The following BMPR2 variants were observed in gnomAD, a reference collection of about 807,000 sequenced individuals.
The protein encoded by BMPR2 is bone morphogenetic protein receptor type 2.
In BMPR2, 29 loss-of-function variants were observed where a neutral mutation model predicts 100.8. That is an observed-to-expected ratio of 0.29 (90% CI 0.21 to 0.39). BMPR2 has a LOEUF of 0.39. BMPR2 is among the 10% of genes least tolerant of loss of function. The pLI, the probability that BMPR2 is intolerant of heterozygous loss-of-function variation, is 1.00. For synonymous variants in BMPR2, 382 were observed against 442.3 expected (o/e 0.86, Z 1.71); for missense variants, 1,011 against 1,274.5 (o/e 0.79, Z 3.15).
At chr2:202,553,682 G>GT (rs1341472746) in intron 11 of BMPR2, among the ~76,000 whole-genome samples, 82 of 148,892 alleles carry the variant, frequency 5.5e-4, no homozygotes, top group African/African-American at 8.6e-4. Flanking sequence ...TGTGGTTTTT[G>GT]TTTTTTTTTG....
Position 202,565,423 on chromosome 2 carries a change from C to T in BMPR2, c.*5477C>T, listed in dbSNP as rs926595236. The T allele has an allele frequency of 2.6e-5, 4 of 152,416 alleles. No homozygotes were observed. The highest frequency in any genetic ancestry group is 2.1e-4 in the South Asian group (1 of 4,818). The allele number at this position is 152,416 out of a possible 1,614,324, so 9.4% of individuals were successfully genotyped here. ...TAATAGTTTGATAGTTTGATAGAATCGAGAGTTAAGATGTTTCTATTTGAA... is the reference window on the plus strand; with the variant it reads ...TAATAGTTTGATAGTTTGATAGAATTGAGAGTTAAGATGTTTCTATTTGAA... On this transcript the variant is annotated 3_prime_UTR_variant, in exon 13 of 13. Coordinates refer to ENST00000374580, the MANE Select transcript of BMPR2 (RefSeq NM_001204.7).
intron 1 of BMPR2, among the ~76,000 whole-genome samples, chr2:202,392,493 T>TA (rs1316422158): frequency 6.6e-6 from 1 of 152,222 alleles, no homozygotes; most frequent in Non-Finnish European, 1.5e-5. Context: ...AGGGACAGGT[T>TA]ATTTGATACG....
intron 1 of BMPR2, among the ~76,000 whole-genome samples, chr2:202,437,198 GT>G (rs1291753058): frequency 6.7e-6 from 1 of 149,918 alleles, no homozygotes; most frequent in Non-Finnish European, 1.5e-5. Context: ...TAGAGATGGG[GT>G]TTCACCATTT....
At chr2:202,522,649 G>A (rs1229258161) in intron 7 of BMPR2, among the ~76,000 whole-genome samples, 2 of 152,008 alleles carry the variant, frequency 1.3e-5, no homozygotes, top group Non-Finnish European at 2.9e-5. Context: ...AGACAACATA[G>A]TCAGACCCCC....
intron 3 of BMPR2, among the ~76,000 whole-genome samples, chr2:202,484,751 G>T (rs916918943): frequency 2.0e-5 from 3 of 151,662 alleles, no homozygotes; most frequent in Admixed American, 2.0e-4. Flanking sequence ...TGGATCACGA[G>T]GTCTGGAGAT....
rs1215916026 is a variant in BMPR2, at chr2:202,446,762, C to T, written c.77-18047C>T. ...ACCTCCCAGGTTCAAGTGATTCTTC[C>T]GCCTCAGCCTCCTGAGTATCTGGGA... On this transcript the variant is annotated intron_variant, in intron 1 of 12. Coordinates refer to ENST00000374580, the MANE Select transcript of BMPR2 (RefSeq NM_001204.7). 3.4e-5 allele frequency among the ~76,000 whole-genome samples: 5 copies of T among 149,042 alleles called. 1 individual carries two copies. The highest frequency in any genetic ancestry group is 2.1e-4 in the South Asian group (1 of 4,804).
chr2:202,484,968 C>CAAAAAAAAAAA (rs747890922), intron 3 of BMPR2, among the ~76,000 whole-genome samples: 1 of 59,786 alleles, frequency 1.7e-5, no homozygotes, highest in Non-Finnish European at 3.1e-5. Context: ...GACTCCGTCT[C>CAAAAAAAAAAA]AAAAAAAAAA....
intron 1 of BMPR2, among the ~76,000 whole-genome samples, chr2:202,394,196 A>G (rs1263216660): frequency 6.6e-6 from 1 of 152,084 alleles, no homozygotes; most frequent in Non-Finnish European, 1.5e-5. Context: ...CTGAAAATAC[A>G]AAAAAGTTAG....
chr2:202,379,052 A>G (rs1002357616), intron 1 of BMPR2, among the ~76,000 whole-genome samples: 4 of 152,220 alleles, frequency 2.6e-5, no homozygotes, highest in African/African-American at 4.8e-5. Flanking sequence ...TGGTAATACA[A>G]TCATCTTAGA....
intron 7 of BMPR2, among the ~76,000 whole-genome samples, chr2:202,528,227 G>A (rs985167811): frequency 3.9e-5 from 6 of 152,110 alleles, no homozygotes; most frequent in Non-Finnish European, 2.9e-5. Flanking sequence ...TCGCTCTGTC[G>A]CCCAGGCTGT....
chr2:202,492,212 A>G (rs1692915730), intron 3 of BMPR2, among the ~76,000 whole-genome samples: 1 of 152,136 alleles, frequency 6.6e-6, no homozygotes, highest in Admixed American at 6.6e-5. Context: ...AGGTAGGAGC[A>G]GGTAGGAGAC....
chr2:202,560,131 A>C lies in BMPR2; in HGVS notation c.*185A>C. The C allele has an allele frequency of 2.6e-6, 2 of 772,454 alleles. No homozygotes were observed. Among genetic ancestry groups the C allele is most frequent in the Non-Finnish European group, 4.0e-6 (2 of 498,628 alleles). The allele number at this position is 772,454 out of a possible 1,614,324, so 47.8% of individuals were successfully genotyped here. A position where few individuals can be genotyped will look rare whatever the true frequency, so the allele number is the denominator to read the frequency against. On this transcript the variant is annotated 3_prime_UTR_variant, in exon 13 of 13. Coordinates refer to ENST00000374580, the MANE Select transcript of BMPR2 (RefSeq NM_001204.7). ...ATTTAGCTTATGCTTCCATATTTTT[A>C]AATTTTGTTTTTTAAGTTTTGCACT...
rs955460217 is a variant in BMPR2 at position 202,495,408 on chromosome 2, C to A, written c.419-18311C>A. Among the ~76,000 whole-genome samples the A allele has an allele frequency of 1.3e-5, 2 of 152,218 alleles. No homozygotes were observed. Among genetic ancestry groups the A allele is most frequent in the Non-Finnish European group, 2.9e-5 (2 of 68,038 alleles). On this transcript the variant is annotated intron_variant, in intron 3 of 12. Transcript: ENST00000374580. This position sits in a 1 kb window ranked among gnomAD's most constrained non-coding sequence, Gnocchi z 4.5. The stretch of plus-strand genomic sequence containing the variant: ...GTTCTGTCGACGGCCTGCCGGCGTG[C>A]GGGTGCCTATCGTTGTGCTCTTCTG...
At chr2:202,387,831 A>G (rs1345552442) in intron 1 of BMPR2, among the ~76,000 whole-genome samples, 1 of 152,244 alleles carries the variant, frequency 6.6e-6, no homozygotes, top group African/African-American at 2.4e-5. Context: ...GTGTGAAGAA[A>G]AACTTTTATT....
At chr2:202,519,759 A>G (rs190407183) in intron 6 of BMPR2, among the ~76,000 whole-genome samples, 194 of 152,348 alleles carry the variant, frequency 1.3e-3, no homozygotes, top group African/African-American at 4.5e-3. Flanking sequence ...CCATAACAAT[A>G]TAATTTGTAT....
intron 1 of BMPR2, among the ~76,000 whole-genome samples, chr2:202,388,410 A>C (rs1050496291): frequency 2.5e-4 from 38 of 150,652 alleles, no homozygotes; most frequent in Non-Finnish European, 4.1e-4. Flanking sequence ...AAAAAAAAAA[A>C]AAAAAAAAAA....
Position 202,497,060 on chromosome 2 carries a change from G to A in BMPR2, c.419-16659G>A, listed in dbSNP as rs573708736. ...TGAGGGGCTTAGCACCCGGGCCAGC[G>A]GCTGCGGGGGGTGCACTGGGTCCCC... On this transcript the variant is annotated intron_variant, in intron 3 of 12. Coordinates refer to ENST00000374580, the MANE Select transcript of BMPR2 (RefSeq NM_001204.7). 2.6e-5 allele frequency among the ~76,000 whole-genome samples: 4 copies of A among 152,340 alleles called. No individual in the cohort carries two copies. The East Asian group carries it at 5.8e-4, about 22-fold the overall frequency.
intron 1 of BMPR2, among the ~76,000 whole-genome samples, chr2:202,451,603 G>A (rs559650251): frequency 1.1e-4 from 16 of 152,258 alleles, no homozygotes; most frequent in African/African-American, 3.6e-4. Context: ...GGTGGCTGAG[G>A]CAGGAGAATT....
chr2:202,386,420 C>T (rs1417547224), intron 1 of BMPR2, among the ~76,000 whole-genome samples: 1 of 152,248 alleles, frequency 6.6e-6, no homozygotes, highest in Non-Finnish European at 1.5e-5. Context: ...GTTGTTCAGG[C>T]CCCAAATTAG....
Sources: gnomAD v4.1 joint callset for allele counts (sites outside exome capture counted in the v4.1 genomes callset) on GRCh38, gnomAD v4.1.1 for gene constraint, Gnocchi (gnomAD v3.1) non-coding constraint, MANE v1.5 for transcripts, NCBI Gene and HGNC (gene_info 2026-07-23, HGNC 2026-07-21) for gene names.